Variants in NCL observed in about 807,000 individuals in gnomAD.
NCL encodes nucleolin multifunctional protein.
In NCL, 4 loss-of-function variants were observed where a neutral mutation model predicts 77.7. The ratio of observed to expected loss-of-function variants is 0.05; its 90% CI spans 0.03 to 0.12. NCL has a LOEUF of 0.12. Among genes scored for constraint, NCL ranks in the 10% least tolerant of loss-of-function variants. The probability of loss-of-function intolerance (pLI) is 1.00; values close to 1 mark genes in which losing one functional copy is unlikely to be tolerated. For missense variants in NCL, 763 were observed against 860.9 expected (o/e 0.89, Z 1.42); for synonymous variants, 344 against 297.8 (o/e 1.16, Z -1.60).
At chr2:231,458,108 A>G (rs1223936959) in intron 8 of NCL, among the ~76,000 whole-genome samples, 158 bp downstream of exon 8, 4 of 152,178 alleles carry the variant, frequency 2.6e-5, no homozygotes, top group Non-Finnish European at 4.4e-5. Context: ...CTATGAGTAC[A>G]TTATCCCCAT....
rs1426336308 is a variant in NCL at position 231,453,825 on chromosome 2, T to C, written c.*1366A>G. 1 of 152,262 alleles carries C rather than the reference T, an allele frequency of 6.6e-6. No individual in the cohort carries two copies. The highest frequency in any genetic ancestry group is 1.5e-5 in the Non-Finnish European group (1 of 68,054). The allele number at this position is 152,262 out of a possible 1,614,324, so 9.4% of individuals were successfully genotyped here. ...TAAACCCAAAGCAGCTACGTATTCT[T>C]CACGTTTCCTTCTAAGCTTATCCAA... is the stretch of plus-strand genomic sequence containing the variant. On this transcript the variant is annotated 3_prime_UTR_variant, in exon 14 of 14. Transcript: ENST00000322723.
rs1232298908 is a variant in NCL at position 231,463,332 on chromosome 2, A to C, written c.19-16T>G. ...TTTTACCTGCCTAAAATGGACACAA[A>C]TAGATCATTACACCTCCACCTCGAC... On this transcript the variant is annotated splice_polypyrimidine_tract_variant and intron_variant, in intron 1 of 13. Transcript: ENST00000322723. 2.0e-6 allele frequency: 3 copies of C among 1,506,776 alleles called. No homozygotes were observed. Among genetic ancestry groups the C allele is most frequent in the African/African-American group, 2.8e-5 (2 of 72,420 alleles). The allele number at this position is 1,506,776 out of a possible 1,614,324, so 93.3% of individuals were successfully genotyped here. A position where few individuals can be genotyped will look rare whatever the true frequency, so the allele number is the denominator to read the frequency against.
chr2:231,462,437 G>A (rs748994067), intron 2 of NCL: 3 of 419,866 alleles, frequency 7.1e-6, no homozygotes, highest in Non-Finnish European at 1.4e-5. Flanking sequence ...CCTACAGTGG[G>A]TGGCGGTACC....
chr2:231,460,126 T>C, intron 6 of NCL, 26 bp downstream of exon 6: 4 of 1,599,474 alleles, frequency 2.5e-6, no homozygotes, highest in Non-Finnish European at 3.4e-6. Context: ...GACCCACGTG[T>C]ATGTAACGTG....
In NCL at chr2:231,460,748, G is replaced by A. The variant is rs1029988316; in HGVS notation, c.732C>T (p.Asp244=). The A allele has an allele frequency of 1.1e-4, 175 of 1,612,114 alleles. No individual in the cohort carries two copies. In the East Asian group the frequency reaches 2.9e-3, roughly 27 times the overall value. ...EDEDEEEDDE[D]EDDDDDEDDE... ...CATCTTCGTCGTCGTCGTCATCCTCGTCCTCATCATCCTCTTCTTCATCTT... is the reference window on the plus strand; with the variant it reads ...CATCTTCGTCGTCGTCGTCATCCTCATCCTCATCATCCTCTTCTTCATCTT... Residue 244 remains aspartate, a synonymous_variant, in exon 4 of 14, where the codon GAC becomes GAT. Coordinates refer to ENST00000322723, the MANE Select transcript of NCL (RefSeq NM_005381.3).
At chr2:231,458,747 G>GAA (rs2046917478) in intron 7 of NCL, 9 of 433,444 alleles carry the variant, frequency 2.1e-5, no homozygotes, top group Non-Finnish European at 3.6e-5. Context: ...TAATTTAGGT[G>GAA]CATCTAATAA....
Position 231,454,861 on chromosome 2 carries a change from C to CAAAAAAAAAAAAAAAAAAAAAAAAA in NCL, c.*329_*330insTTTTTTTTTTTTTTTTTTTTTTTTT. The stretch of plus-strand genomic sequence containing the variant: ...CCCACGAACGCAAAAAAAAAAAAAA[C>CAAAAAAAAAAAAAAAAAAAAAAAAA]AAAAACAAAACAAAAAAAAGAAACA... On this transcript the variant is annotated 3_prime_UTR_variant, in exon 14 of 14. Coordinates refer to ENST00000322723, the MANE Select transcript of NCL (RefSeq NM_005381.3). 6.3e-6 allele frequency: 1 copy of CAAAAAAAAAAAAAAAAAAAAAAAAA among 158,436 alleles called. No homozygotes were observed. The highest frequency in any genetic ancestry group is 1.3e-5 in the Non-Finnish European group (1 of 78,892). 9.8% of individuals were successfully genotyped at this position (158,436 alleles called of 1,614,324 possible). A position where few individuals can be genotyped will look rare whatever the true frequency, so the allele number is the denominator to read the frequency against.
chr2:231,463,773 G>A (rs1002618271), intron 1 of NCL: 2 of 165,496 alleles, frequency 1.2e-5, no homozygotes, highest in African/African-American at 4.8e-5. Context: ...GCGCGGCCAC[G>A]TGGGGGTACC....
Position 231,458,455 on chromosome 2 carries a change from AAG to A in NCL, c.1166-68_1166-67del, listed in dbSNP as rs911934256. On this transcript the variant is annotated intron_variant, in intron 7 of 13. Coordinates refer to ENST00000322723, the MANE Select transcript of NCL (RefSeq NM_005381.3). ...ACCAAAGGTGGGGGGCAACAACAAAAAGAGGGGAAAAACACACATAGCTCTAT... is the reference window on the plus strand; with the variant it reads ...ACCAAAGGTGGGGGGCAACAACAAAAAGGGGAAAAACACACATAGCTCTAT... The A allele has an allele frequency of 9.3e-5, 146 of 1,562,490 alleles. 1 individual carries two copies. In the East Asian group the frequency reaches 1.3e-3, roughly 14 times the overall value.
chr2:231,461,446 C>T (rs563641107), intron 3 of NCL, 94 bp downstream of exon 3: 132 of 1,531,834 alleles, frequency 8.6e-5, no homozygotes, highest in Non-Finnish European at 1.1e-4. Context: ...ATTCTAATCT[C>T]ATCTCCAGGT....
Position 231,454,137 on chromosome 2 carries a change from T to C in NCL, c.*1054A>G, listed in dbSNP as rs1189615520. 2 of 152,278 alleles carry C rather than the reference T, an allele frequency of 1.3e-5. No individual in the cohort carries two copies. Among genetic ancestry groups the C allele is most frequent in the African/African-American group, 4.8e-5 (2 of 41,444 alleles). 9.4% of individuals were successfully genotyped at this position (152,278 alleles called of 1,614,324 possible). On this transcript the variant is annotated 3_prime_UTR_variant, in exon 14 of 14. Transcript: ENST00000322723. ...CAAAGTGTCCACTGGTCTATCCATCTAGCGTGAGTTCTATTCCAGAACTGC... is the reference window on the plus strand; with the variant it reads ...CAAAGTGTCCACTGGTCTATCCATCCAGCGTGAGTTCTATTCCAGAACTGC...
rs764273926 is a variant in NCL at position 231,460,816 on chromosome 2, C to T, written c.664G>A (p.Ala222Thr). Residue 222 changes from alanine to threonine, a missense_variant, in exon 4 of 14, where the codon GCA (alanine) becomes ACA (threonine). Ala to Thr is a moderately conservative substitution (Grantham distance 58, BLOSUM62 0). Coordinates refer to ENST00000322723, the MANE Select transcript of NCL (RefSeq NM_005381.3). ...TTGGCTTTCACAGGAACAACTTTTG[C>T]AGCTTTCTTTCCTTTGGCTGGTGTA... Reference protein sequence around the residue: ...ETTPAKGKKAAKVVPVKAKNV... With the variant: ...ETTPAKGKKATKVVPVKAKNV... The T allele has an allele frequency of 1.2e-6, 2 of 1,614,176 alleles. No homozygotes were observed. The highest frequency in any genetic ancestry group is 1.7e-6 in the Non-Finnish European group (2 of 1,180,028).
Position 231,454,959 on chromosome 2 carries a change from T to TA in NCL, c.*231dup, listed in dbSNP as rs1387988775. On this transcript the variant is annotated 3_prime_UTR_variant, in exon 14 of 14. Coordinates refer to ENST00000322723, the MANE Select transcript of NCL (RefSeq NM_005381.3). ...GATGAAACAATATAAATTCAAAACTTACAGATAAGGGTTAGCTCTATCACT... is the reference window on the plus strand; with the variant it reads ...GATGAAACAATATAAATTCAAAACTTAACAGATAAGGGTTAGCTCTATCACT... The TA allele has an allele frequency of 2.3e-6, 1 of 432,294 alleles. No homozygotes were observed. Among genetic ancestry groups the TA allele is most frequent in the Non-Finnish European group, 4.1e-6 (1 of 243,318 alleles). 26.8% of individuals were successfully genotyped at this position (432,294 alleles called of 1,614,324 possible).
Position 231,457,774 on chromosome 2 carries a change from T to G in NCL, c.1316A>C (p.Glu439Ala), listed in dbSNP as rs768863533. The G allele has an allele frequency of 9.3e-6, 15 of 1,611,572 alleles. 1 individual carries two copies. In the South Asian group the frequency reaches 1.5e-4, roughly 17 times the overall value. The change falls in exon 9 of 14, where the codon GAA becomes GCA. Residue 439 changes from glutamate (E) to alanine (A), a missense_variant. Glu to Ala is a moderately radical substitution (Grantham distance 107, BLOSUM62 -1). Around this residue, in one of 2 missense-constraint regions of NCL, gnomAD observed 590 missense variants for 570.5 expected, o/e 1.03. Coordinates refer to ENST00000322723, the MANE Select transcript of NCL (RefSeq NM_005381.3). ...TTCAAAGGTTTTCTCTGCATCAGCT[T>G]CTGTCTTAAATTCAATATAAGCAAT... ...KGIAYIEFKT[E>A]ADAEKTFEEK...
At position 231,460,713 on chromosome 2, in the gene NCL, TCATCTTCATCATCTTCGTCG is replaced by T; in HGVS notation, c.747_766del (p.Asp249GlufsTer2). 1 of 1,612,000 alleles carries T rather than the reference TCATCTTCATCATCTTCGTCG, an allele frequency of 6.2e-7. No homozygotes were observed. The highest frequency in any genetic ancestry group is 8.5e-7 in the Non-Finnish European group (1 of 1,178,170). On this transcript the variant is annotated frameshift_variant, in exon 4 of 14. Transcript: ENST00000322723. LOFTEE classifies it high-confidence loss of function. ...CTCCTCCTCATCATCTTCATCATCA[TCATCTTCATCATCTTCGTCG>T]TCGTCGTCATCCTCGTCCTCATCAT...
Position 231,463,277 on chromosome 2 carries a change from G to A in NCL, c.58C>T (p.Pro20Ser), listed in dbSNP as rs2046969276. Reference sequence around the variant, plus strand: ...CTATCTTCTTCTACCTCCTTTGGAGGAGGAGCCATTTTCTTGGGGTCACCT... The same window carrying A: ...CTATCTTCTTCTACCTCCTTTGGAGAAGGAGCCATTTTCTTGGGGTCACCT... ...NQGDPKKMAP[P>S]PKEVEEDSED... The change falls in exon 2 of 14, where the codon CCT becomes TCT. Residue 20 changes from proline (P) to serine (S), a missense_variant. This residue lies in a region of NCL where 590 missense variants were observed against 570.5 expected (regional missense o/e 1.03). Coordinates refer to ENST00000322723, the MANE Select transcript of NCL (RefSeq NM_005381.3). 6.2e-7 allele frequency: 1 copy of A among 1,612,436 alleles called. No homozygotes were observed. The highest frequency in any genetic ancestry group is 1.3e-5 in the African/African-American group (1 of 74,790).
chr2:231,456,586 G>C, intron 11 of NCL, 45 bp downstream of exon 11: 2 of 1,610,688 alleles, frequency 1.2e-6, no homozygotes, highest in Non-Finnish European at 1.7e-6. Context: ...ACAAAGCACC[G>C]AGAGTGCTAC....
In NCL at chr2:231,456,179, T is replaced by C. The variant is rs760771676; in HGVS notation, c.1706-43A>G. 1.9e-6 allele frequency: 3 copies of C among 1,611,326 alleles called. No homozygotes were observed. In the East Asian group the frequency reaches 6.7e-5, roughly 36 times the overall value. ...ATGTGACTTTATGTGAAGTCACAGT[T>C]CGTAACACTGAATTTGCACAATGCC... On this transcript the variant is annotated intron_variant, in intron 11 of 13. Coordinates refer to ENST00000322723, the MANE Select transcript of NCL (RefSeq NM_005381.3).
intron 2 of NCL, 92 bp downstream of exon 2, chr2:231,463,108 A>T (rs2046967553): frequency 1.1e-6 from 1 of 923,356 alleles, no homozygotes; most frequent in Non-Finnish European, 1.7e-6. Context: ...ACCTGAATAA[A>T]ATCTTATTTT....
Sources: gnomAD v4.1 joint callset for allele counts (sites outside exome capture counted in the v4.1 genomes callset) on GRCh38, gnomAD v4.1.1 for gene constraint, gnomAD v4.1.1 regional missense constraint, MANE v1.5 for transcripts, NCBI Gene and HGNC (gene_info 2026-07-23, HGNC 2026-07-21) for gene names.